Variants in PARN observed in about 807,000 individuals in gnomAD.
PARN encodes the protein poly(A)-specific ribonuclease PARN.
In PARN, 71 loss-of-function variants were observed where a neutral mutation model predicts 102.8. That is an observed-to-expected ratio of 0.69 (90% confidence interval 0.57 to 0.84). The LOEUF (loss-of-function observed/expected upper bound fraction) is 0.84, where lower values mean the gene tolerates loss of function less well. Among genes scored for constraint, PARN ranks in the 40% least tolerant of loss-of-function variants. The pLI, the probability that PARN is intolerant of heterozygous loss-of-function variation, is 0.00. For synonymous variants in PARN, 261 were observed against 252.9 expected, an observed-to-expected ratio of 1.03 and a Z score of -0.30; for missense variants, 782 against 760.9, an observed-to-expected ratio of 1.03 and a Z score of -0.33.
At chr16:14,622,522 T>A (rs987434553) in intron 5 of PARN, among the ~76,000 whole-genome samples, 1 of 152,192 alleles carries the variant, frequency 6.6e-6, no homozygotes, top group African/African-American at 2.4e-5. Context: ...TATATATATT[T>A]GAGACGGAGT....
At chr16:14,608,585 AG>A (rs1343070042) in intron 8 of PARN, among the ~76,000 whole-genome samples, 1 of 152,224 alleles carries the variant, frequency 6.6e-6, no homozygotes, top group East Asian at 1.9e-4. Context: ...AGCTGCATAA[AG>A]AGAGCTTAAA....
chr16:14,621,195 TTC>T (rs1295985273), intron 5 of PARN, among the ~76,000 whole-genome samples: 1 of 152,208 alleles, frequency 6.6e-6, no homozygotes, highest in Non-Finnish European at 1.5e-5. Flanking sequence ...GTCTGTGGGC[TTC>T]TGTCTACCAT....
intron 5 of PARN, among the ~76,000 whole-genome samples, chr16:14,623,580 T>C (rs985762807): frequency 6.6e-6 from 1 of 151,406 alleles, no homozygotes; most frequent in African/African-American, 2.4e-5. Context: ...CTCACGTCTA[T>C]AATCCCAGCA....
intron 21 of PARN, among the ~76,000 whole-genome samples, chr16:14,549,101 G>A (rs1050224411): frequency 2.6e-5 from 4 of 152,116 alleles, no homozygotes; most frequent in African/African-American, 9.7e-5. Flanking sequence ...GGTGATGACT[G>A]CATAAAAGAT....
chr16:14,535,561 G>GA (rs1394945549), intron 21 of PARN, among the ~76,000 whole-genome samples: 1 of 152,096 alleles, frequency 6.6e-6, no homozygotes, highest in Non-Finnish European at 1.5e-5. Context: ...TTCATGATTA[G>GA]AAAAAACAAT....
chr16:14,608,550 G>T (rs149858009), intron 8 of PARN, among the ~76,000 whole-genome samples: 1 of 152,044 alleles, frequency 6.6e-6, no homozygotes, highest in Non-Finnish European at 1.5e-5. Context: ...AGAAGTTCTC[G>T]TCTAATCAAA....
chr16:14,597,816 C>A (rs900622244), intron 12 of PARN, among the ~76,000 whole-genome samples: 2 of 152,110 alleles, frequency 1.3e-5, no homozygotes, highest in African/African-American at 4.8e-5. Context: ...TGGCGGACTT[C>A]TGACAAAACA....
intron 12 of PARN, among the ~76,000 whole-genome samples, chr16:14,598,886 A>G (rs1970697064): frequency 6.6e-6 from 1 of 152,092 alleles, no homozygotes; most frequent in South Asian, 2.1e-4. Context: ...TCTAAGGTAT[A>G]AGATGATTCC....
intron 18 of PARN, among the ~76,000 whole-genome samples, chr16:14,567,082 G>C (rs535964884): frequency 6.6e-6 from 1 of 152,282 alleles, no homozygotes; most frequent in East Asian, 1.9e-4. Flanking sequence ...AAACTTTGAG[G>C]GTAATCAAAC....
chr16:14,438,512 G>A (rs1388064788), intron 23 of PARN, among the ~76,000 whole-genome samples: 1 of 150,048 alleles, frequency 6.7e-6, no homozygotes, highest in Non-Finnish European at 1.5e-5. Flanking sequence ...AGAGCTAACA[G>A]GAAATAATGG....
At chr16:14,625,160 T>C (rs541059649) in intron 5 of PARN, among the ~76,000 whole-genome samples, 2 of 150,706 alleles carry the variant, frequency 1.3e-5, no homozygotes, top group African/African-American at 2.4e-5. Context: ...CACACAAATT[T>C]CCCAACTGAG....
At chr16:14,571,176 G>C (rs778400399) in intron 18 of PARN, among the ~76,000 whole-genome samples, 1 of 152,030 alleles carries the variant, frequency 6.6e-6, no homozygotes, top group Non-Finnish European at 1.5e-5. Context: ...TTGAGGTCAG[G>C]AGTTCAAGAC....
chr16:14,502,060 G>A (rs1487244848), intron 21 of PARN, among the ~76,000 whole-genome samples: 1 of 152,248 alleles, frequency 6.6e-6, no homozygotes, highest in Admixed American at 6.5e-5. Context: ...AATGGAATGA[G>A]TGTGTACACT....
intron 18 of PARN, among the ~76,000 whole-genome samples, chr16:14,556,199 G>A (rs1305476259): frequency 6.7e-6 from 1 of 149,544 alleles, no homozygotes; most frequent in African/African-American, 2.5e-5. Flanking sequence ...TTATTCTGTC[G>A]CCAGGCTGGA....
intron 21 of PARN, among the ~76,000 whole-genome samples, chr16:14,544,301 G>A (rs760834104): frequency 3.3e-5 from 5 of 152,334 alleles, no homozygotes; most frequent in African/African-American, 9.6e-5. Flanking sequence ...TTGGCTGGGT[G>A]TGGCGGCTCA....
In PARN at chr16:14,593,370, A is replaced by G; in HGVS notation, c.849T>C (p.Leu283=). The G allele has an allele frequency of 6.3e-7, 1 of 1,590,524 alleles. No individual in the cohort carries two copies. ...CCAAGAGCATATTGTGTCCAATAAC[A>G]AGTTTTCCCTAAAGAAAGTCAAGGT... ...VIHAIANSGK[L]VIGHNMLLDV... is the part of the protein sequence containing the mutation. The change falls in exon 13 of 24, where the codon CTT becomes CTC. Residue 283 remains leucine, a synonymous_variant. Coordinates refer to ENST00000437198, the MANE Select transcript of PARN (RefSeq NM_002582.4).
intron 2 of PARN, among the ~76,000 whole-genome samples, chr16:14,629,347 C>T (rs767487633): frequency 2.6e-5 from 4 of 152,258 alleles, no homozygotes; most frequent in Non-Finnish European, 4.4e-5. Flanking sequence ...ACACGCCGCA[C>T]TGTTTTAAGC....
chr16:14,616,720 G>A (rs1301725755), intron 6 of PARN, among the ~76,000 whole-genome samples: 1 of 152,012 alleles, frequency 6.6e-6, no homozygotes, highest in East Asian at 1.9e-4. Flanking sequence ...CTCACCCTGG[G>A]TGACAGAGTG....
chr16:14,457,879 A>G (rs186631979), intron 22 of PARN, among the ~76,000 whole-genome samples: 2 of 150,202 alleles, frequency 1.3e-5, no homozygotes, highest in East Asian at 3.9e-4. Flanking sequence ...GCTGTCTGGT[A>G]ATAAGGACAT....
Sources: gnomAD v4.1 joint callset for allele counts (sites outside exome capture counted in the v4.1 genomes callset) on GRCh38, gnomAD v4.1.1 for gene constraint, MANE v1.5 for transcripts, NCBI Gene and HGNC (gene_info 2026-07-23, HGNC 2026-07-21) for gene names.